BMPR1B: variants seen among roughly 807,000 people sequenced by gnomAD.
BMPR1B encodes the protein bone morphogenetic protein receptor type-1B.
A neutral mutation model predicts 59.1 loss-of-function variants in BMPR1B; 12 were observed. The observed-to-expected ratio is 0.20, with a 90% CI of 0.13 to 0.33. The LOEUF is 0.33. Among genes scored for constraint, BMPR1B ranks in the 10% least tolerant of loss-of-function variants. The pLI is 1.00. For synonymous variants in BMPR1B, 237 were observed against 207.3 expected (o/e 1.14, Z -1.23); for missense variants, 550 against 610.9 (o/e 0.90, Z 1.05).
intron 2 of BMPR1B, among the ~76,000 whole-genome samples, chr4:94,984,364 T>C (rs547748553): frequency 6.6e-6 from 1 of 152,350 alleles, no homozygotes; most frequent in Admixed American, 6.5e-5. Context: ...ATGAAAACTT[T>C]CATCAGTGTA....
intron 2 of BMPR1B, among the ~76,000 whole-genome samples, chr4:94,935,786 A>G (rs1729270094): frequency 6.6e-6 from 1 of 152,226 alleles, no homozygotes; most frequent in South Asian, 2.1e-4. Context: ...TATAGGCAGA[A>G]TGCCTGGGAC....
At chr4:94,913,524 T>C (rs1174957309) in intron 2 of BMPR1B, among the ~76,000 whole-genome samples, 3 of 152,214 alleles carry the variant, frequency 2.0e-5, no homozygotes, top group Non-Finnish European at 2.9e-5. Flanking sequence ...AACTTTGCTT[T>C]GCTTTCTCCA....
At chr4:94,921,872 A>G (rs953595373) in intron 2 of BMPR1B, among the ~76,000 whole-genome samples, 5 of 152,098 alleles carry the variant, frequency 3.3e-5, no homozygotes, top group African/African-American at 1.2e-4. Flanking sequence ...TTTGTAATCT[A>G]AATATGTTCA....
At chr4:94,843,256 C>G (rs1431134833) in intron 1 of BMPR1B, among the ~76,000 whole-genome samples, 2 of 152,158 alleles carry the variant, frequency 1.3e-5, no homozygotes, top group Non-Finnish European at 1.5e-5. Flanking sequence ...AAAAAGGAAG[C>G]CTTTGCCAGG....
chr4:94,951,267 T>C (rs1729923865), intron 2 of BMPR1B, among the ~76,000 whole-genome samples: 1 of 152,212 alleles, frequency 6.6e-6, no homozygotes, highest in Non-Finnish European at 1.5e-5. Flanking sequence ...CCTTTATTTC[T>C]TTCTCTTGCC....
intron 3 of BMPR1B, among the ~76,000 whole-genome samples, chr4:95,027,849 A>G (rs566333506): frequency 6.6e-6 from 1 of 152,118 alleles, no homozygotes; most frequent in Non-Finnish European, 1.5e-5. Flanking sequence ...TTATCTGTGT[A>G]TTACTGTCTA....
intron 1 of BMPR1B, among the ~76,000 whole-genome samples, chr4:94,874,198 A>G (rs1726622919): frequency 6.6e-6 from 1 of 151,928 alleles, no homozygotes; most frequent in Non-Finnish European, 1.5e-5. Context: ...TTATCCATTC[A>G]TCTTTCAGTG....
chr4:94,896,420 T>C (rs1201500357), intron 2 of BMPR1B, among the ~76,000 whole-genome samples: 1 of 151,982 alleles, frequency 6.6e-6, no homozygotes, highest in Non-Finnish European at 1.5e-5. Flanking sequence ...CTGAGTTTGC[T>C]GAATTAAATC....
At chr4:94,811,921 T>G (rs1282942119) in intron 1 of BMPR1B, among the ~76,000 whole-genome samples, 2 of 152,164 alleles carry the variant, frequency 1.3e-5, no homozygotes, top group Non-Finnish European at 2.9e-5. Context: ...TTCATAGAAT[T>G]TATAGGTTTT....
intron 3 of BMPR1B, among the ~76,000 whole-genome samples, chr4:95,097,079 TTA>T (rs1239823503): frequency 1.4e-5 from 2 of 144,400 alleles, no homozygotes; most frequent in Non-Finnish European, 3.0e-5. Flanking sequence ...TTACATATAG[TTA>T]TATATATTTA....
chr4:95,026,098 A>ATTTCTTTCTTTCCTTG (rs1455953912), intron 3 of BMPR1B, among the ~76,000 whole-genome samples: 1 of 101,622 alleles, frequency 9.8e-6, no homozygotes, highest in Non-Finnish European at 2.1e-5. Context: ...GCTTTCTTTC[A>ATTTCTTTCTTTCCTTG]TTTCTTTCTT....
intron 2 of BMPR1B, among the ~76,000 whole-genome samples, chr4:94,961,263 T>A (rs1730341684): frequency 1.3e-5 from 2 of 152,150 alleles, no homozygotes; most frequent in South Asian, 4.1e-4. Flanking sequence ...CAGGAAGTTT[T>A]ATTGAAATTC....
At chr4:95,041,051 T>A (rs1407897028) in intron 3 of BMPR1B, among the ~76,000 whole-genome samples, 1 of 152,192 alleles carries the variant, frequency 6.6e-6, no homozygotes, top group African/African-American at 2.4e-5. Context: ...TTATTAAGAA[T>A]GTATATAAAA....
intron 3 of BMPR1B, among the ~76,000 whole-genome samples, chr4:95,030,617 A>T (rs904765858): frequency 6.6e-6 from 1 of 152,024 alleles, no homozygotes; most frequent in Non-Finnish European, 1.5e-5. Context: ...ATATCTAGAA[A>T]ACCCCATTGT....
At chr4:95,030,294 T>G (rs1350870677) in intron 3 of BMPR1B, among the ~76,000 whole-genome samples, 1 of 152,196 alleles carries the variant, frequency 6.6e-6, no homozygotes, top group Non-Finnish European at 1.5e-5. Context: ...AATTTTTGTA[T>G]AAGGTGTAAG....
At chr4:94,936,248 T>A (rs1041113687) in intron 2 of BMPR1B, among the ~76,000 whole-genome samples, 1 of 152,192 alleles carries the variant, frequency 6.6e-6, no homozygotes, top group African/African-American at 2.4e-5. Flanking sequence ...AATGATTTTT[T>A]ATGCCAAGTT....
rs1225999540 is a variant in BMPR1B, at chr4:95,114,712, A to G, written c.144-8A>G. 2 of 1,610,016 alleles carry G rather than the reference A, an allele frequency of 1.2e-6. No individual in the cohort carries two copies. The highest frequency in any genetic ancestry group is 2.2e-5 in the East Asian group (1 of 44,804). On this transcript the variant is annotated splice_polypyrimidine_tract_variant and splice_region_variant and intron_variant, in intron 4 of 12. Transcript: ENST00000515059. ...TTCTGTTTCTCACTTTGCTTGTTTGATCTTCAGCACAGACGGATATTGTTT... is the reference window on the plus strand; with the variant it reads ...TTCTGTTTCTCACTTTGCTTGTTTGGTCTTCAGCACAGACGGATATTGTTT...
At chr4:95,094,461 G>A (rs893673235) in intron 3 of BMPR1B, among the ~76,000 whole-genome samples, 1 of 151,788 alleles carries the variant, frequency 6.6e-6, no homozygotes, top group Non-Finnish European at 1.5e-5. Flanking sequence ...AAATAGAAAC[G>A]GGAGATAAAG....
intron 3 of BMPR1B, among the ~76,000 whole-genome samples, chr4:95,059,446 G>C (rs959008525): frequency 2.0e-5 from 3 of 152,068 alleles, no homozygotes; most frequent in Non-Finnish European, 4.4e-5. Context: ...GAGTCTAAAG[G>C]AGAAAGAGCC....
Sources: gnomAD v4.1 joint callset for allele counts (sites outside exome capture counted in the v4.1 genomes callset) on GRCh38, gnomAD v4.1.1 for gene constraint, MANE v1.5 for transcripts, NCBI Gene and HGNC (gene_info 2026-07-23, HGNC 2026-07-21) for gene names.